Variants in FBXL7 observed in about 807,000 individuals in gnomAD.
The protein encoded by FBXL7 is F-box/LRR-repeat protein 7.
A neutral mutation model predicts 38.3 loss-of-function variants in FBXL7; 12 were observed. The observed-to-expected ratio is 0.31, with a 90% CI of 0.20 to 0.51. The LOEUF is 0.51. Ranked by LOEUF, FBXL7 falls within the 20% of genes least tolerant of loss-of-function variation. The pLI is 0.98. For missense variants in FBXL7, 567 were observed against 676.4 expected, an observed-to-expected ratio of 0.84 and a Z score of 1.79; for synonymous variants, 297 against 300.9, an observed-to-expected ratio of 0.99 and a Z score of 0.13.
In FBXL7 at chr5:15,928,006, G is replaced by A. The variant is rs778728365; in HGVS notation, c.244G>A (p.Gly82Arg). 24 of 1,603,280 alleles carry A rather than the reference G, an allele frequency of 1.5e-5. No homozygotes were observed. The highest frequency in any genetic ancestry group is 5.1e-5 in the Admixed American group (3 of 59,396). Residue 82 changes from glycine to arginine, a missense_variant, in exon 3 of 4, where the codon GGG (glycine) becomes AGG (arginine). Gly to Arg is a moderately radical substitution (Grantham distance 125, BLOSUM62 -2). Coordinates refer to ENST00000504595, the MANE Select transcript of FBXL7 (RefSeq NM_012304.5). This position sits in a 1 kb window ranked among gnomAD's most constrained non-coding sequence, Gnocchi z 4.0. Reference protein sequence around the residue: ...GSSTSSSSITGETVAMVHSPP... With the variant: ...GSSTSSSSITRETVAMVHSPP... ...GTCCACCTCCTCGTCCTCCATCACC[G>A]GGGAGACGGTGGCCATGGTGCACTC...
At chr5:15,920,754 C>A (rs1741719135) in intron 2 of FBXL7, among the ~76,000 whole-genome samples, 1 of 152,120 alleles carries the variant, frequency 6.6e-6, no homozygotes, top group East Asian at 1.9e-4. Flanking sequence ...CTCCTGACCT[C>A]TGGTGATCCG....
chr5:15,644,882 CAGG>C (rs1324689122), intron 2 of FBXL7, among the ~76,000 whole-genome samples: 1 of 152,144 alleles, frequency 6.6e-6, no homozygotes, highest in African/African-American at 2.4e-5. Flanking sequence ...TAGATGGACT[CAGG>C]ACAATGGCAG....
At chr5:15,687,084 A>G (rs1026460652) in intron 2 of FBXL7, among the ~76,000 whole-genome samples, 3 of 152,262 alleles carry the variant, frequency 2.0e-5, no homozygotes, top group Admixed American at 6.5e-5. Flanking sequence ...GTCTTCTCCC[A>G]TAATAAAGTT....
At chr5:15,608,602 G>C (rs750935901) in intron 1 of FBXL7, among the ~76,000 whole-genome samples, 3 of 152,130 alleles carry the variant, frequency 2.0e-5, no homozygotes, top group Non-Finnish European at 2.9e-5. Context: ...TTAAGTAAAG[G>C]AGATTATCTC....
intron 2 of FBXL7, among the ~76,000 whole-genome samples, chr5:15,764,514 A>T (rs1174482329): frequency 6.6e-6 from 1 of 152,192 alleles, no homozygotes; most frequent in Non-Finnish European, 1.5e-5. Context: ...GGATCCATAA[A>T]GGTTAGCGTG....
At chr5:15,622,854 G>A (rs1159599758) in intron 2 of FBXL7, among the ~76,000 whole-genome samples, 1 of 152,102 alleles carries the variant, frequency 6.6e-6, no homozygotes, top group Admixed American at 6.5e-5. Context: ...ACAGGCATGA[G>A]CCACCATGCC....
chr5:15,539,792 G>T (rs1032063017), intron 1 of FBXL7, among the ~76,000 whole-genome samples: 1 of 151,620 alleles, frequency 6.6e-6, no homozygotes, highest in South Asian at 2.1e-4. Flanking sequence ...GGCACTCTGC[G>T]TTTAACTCAG....
chr5:15,536,740 T>C (rs1056555887), intron 1 of FBXL7, among the ~76,000 whole-genome samples: 1 of 152,162 alleles, frequency 6.6e-6, no homozygotes, highest in African/African-American at 2.4e-5. Flanking sequence ...TCTTGGACTT[T>C]TGGGTTAATG....
At chr5:15,523,360 C>T (rs1737154379) in intron 1 of FBXL7, among the ~76,000 whole-genome samples, 1 of 152,100 alleles carries the variant, frequency 6.6e-6, no homozygotes. Context: ...AGATCGAGAC[C>T]ATCCTGGCTA....
chr5:15,621,505 T>G (rs1036085689), intron 2 of FBXL7, among the ~76,000 whole-genome samples: 1 of 152,116 alleles, frequency 6.6e-6, no homozygotes, highest in Non-Finnish European at 1.5e-5. Flanking sequence ...CAGCCCATGG[T>G]TGGAATAGAG....
intron 1 of FBXL7, among the ~76,000 whole-genome samples, chr5:15,549,477 G>A (rs185242552): frequency 6.6e-6 from 1 of 152,146 alleles, no homozygotes. Context: ...TCTTTGTAAG[G>A]CCAGGGAGCT....
At chr5:15,622,623 T>C (rs1740692348) in intron 2 of FBXL7, among the ~76,000 whole-genome samples, 1 of 152,230 alleles carries the variant, frequency 6.6e-6, no homozygotes, top group South Asian at 2.1e-4. Context: ...ACTCATCATT[T>C]TTTATGGCTG....
At chr5:15,556,219 G>T (rs1738235906) in intron 1 of FBXL7, among the ~76,000 whole-genome samples, 1 of 151,984 alleles carries the variant, frequency 6.6e-6, no homozygotes, top group Non-Finnish European at 1.5e-5. Flanking sequence ...GGAGTTGGAG[G>T]CCCCGGAAAG....
At chr5:15,783,436 G>A (rs1471543366) in intron 2 of FBXL7, among the ~76,000 whole-genome samples, 1 of 152,154 alleles carries the variant, frequency 6.6e-6, no homozygotes, top group Non-Finnish European at 1.5e-5. Flanking sequence ...ACTGGATATT[G>A]ACATGTTAGA....
intron 1 of FBXL7, among the ~76,000 whole-genome samples, chr5:15,545,497 T>C (rs141790321): frequency 6.6e-6 from 1 of 152,322 alleles, no homozygotes; most frequent in African/African-American, 2.4e-5. Context: ...ATATAGATTA[T>C]TATTTTCTTC....
chr5:15,611,759 G>C (rs1705716357), intron 1 of FBXL7, among the ~76,000 whole-genome samples: 1 of 151,874 alleles, frequency 6.6e-6, no homozygotes, highest in South Asian at 2.1e-4. Flanking sequence ...AAGGTGGGAG[G>C]ATTGCCTGAG....
intron 2 of FBXL7, among the ~76,000 whole-genome samples, chr5:15,704,094 A>T (rs1743609479): frequency 6.6e-6 from 1 of 152,144 alleles, no homozygotes; most frequent in Non-Finnish European, 1.5e-5. Context: ...GTTCAGGGTG[A>T]GTAGCAAGAT....
intron 1 of FBXL7, among the ~76,000 whole-genome samples, chr5:15,562,567 T>G: frequency 6.6e-6 from 1 of 152,122 alleles, no homozygotes; most frequent in Non-Finnish European, 1.5e-5. Context: ...ATTATATTCA[T>G]GAGAATTGCC....
intron 1 of FBXL7, among the ~76,000 whole-genome samples, chr5:15,583,876 T>G (rs1200066659): frequency 6.6e-6 from 1 of 152,100 alleles, no homozygotes; most frequent in Non-Finnish European, 1.5e-5. Context: ...CTAGCAGAGG[T>G]TCTCCATAAG....
Sources: allele counts gnomAD v4.1 joint callset (sites outside exome capture counted in the v4.1 genomes callset), GRCh38; gene constraint gnomAD v4.1.1; non-coding constraint Gnocchi (gnomAD v3.1); transcripts MANE v1.5; gene names NCBI Gene and HGNC (gene_info 2026-07-23, HGNC 2026-07-21).